Variants in FCN1 observed in about 807,000 individuals in gnomAD.
FCN1 encodes ficolin-1.
FCN1 carries 42 observed loss-of-function variants against 35.6 expected under a neutral mutation model. That is an observed-to-expected ratio of 1.18 (90% CI 0.92 to 1.53). The LOEUF is 1.53. FCN1 is among the 40% of genes most tolerant of loss of function. FCN1 has a pLI of 0.00. For missense variants in FCN1, 439 were observed against 428.4 expected, an observed-to-expected ratio of 1.02 and a Z score of -0.22; for synonymous variants, 179 against 169.8, an observed-to-expected ratio of 1.05 and a Z score of -0.42.
chr9:134,916,991 C>A (rs960468055), intron 1 of FCN1, among the ~76,000 whole-genome samples: 1 of 152,180 alleles, frequency 6.6e-6, no homozygotes, highest in Non-Finnish European at 1.5e-5. Context: ...AGGTGTGGCA[C>A]AGCTGCAGCC....
At position 134,911,115 on chromosome 9, in the gene FCN1, C is replaced by A. The variant is rs376133778; in HGVS notation, c.733+18G>T. On this transcript the variant is annotated intron_variant, in intron 8 of 8. Transcript: ENST00000371806. ...TTCCAAGCCCCACTCAGGCCACCAGCCCCAAGCAGACACTCACCCGCACTG... is the reference window on the plus strand; with the variant it reads ...TTCCAAGCCCCACTCAGGCCACCAGACCCAAGCAGACACTCACCCGCACTG... The A allele has an allele frequency of 3.1e-6, 5 of 1,613,868 alleles. No homozygotes were observed. Among genetic ancestry groups the A allele is most frequent in the Non-Finnish European group, 4.2e-6 (5 of 1,179,838 alleles).
rs770120283 is a variant in FCN1 at position 134,910,018 on chromosome 9, T to C, written c.761A>G (p.Asn254Ser). 44 of 1,613,922 alleles carry C rather than the reference T, an allele frequency of 2.7e-5. No individual in the cohort carries two copies. The East Asian group carries it at 9.1e-4, about 34-fold the overall frequency. ...GTCTTGGTCTTTGGTGGAGAAGAAG[T>C]TGTTGTTGTGGCCCGTTAGAGAATT... ...AGNSLTGHNN[N>S]FFSTKDQDND... Residue 254 changes from asparagine to serine, a missense_variant, in exon 9 of 9, where the codon AAC becomes AGC. Asn to Ser is a conservative substitution (Grantham distance 46, BLOSUM62 1). Coordinates refer to ENST00000371806, the MANE Select transcript of FCN1 (RefSeq NM_002003.5).
intron 2 of FCN1, among the ~76,000 whole-genome samples, chr9:134,915,252 G>A (rs941731891): frequency 2.0e-5 from 3 of 152,144 alleles, no homozygotes; most frequent in East Asian, 1.9e-4. Context: ...GGGAGGATCC[G>A]GTTCCACCGT....
Position 134,905,678 on chromosome 9 carries a change from G to T in FCN1, c.*4120C>A, listed in dbSNP as rs940355599. 2.0e-5 allele frequency among the ~76,000 whole-genome samples: 3 copies of T among 151,514 alleles called. No homozygotes were observed. Among genetic ancestry groups the T allele is most frequent in the African/African-American group, 7.3e-5 (3 of 41,070 alleles). On this transcript the variant is annotated 3_prime_UTR_variant, in exon 9 of 9. Coordinates refer to ENST00000371806, the MANE Select transcript of FCN1 (RefSeq NM_002003.5). ...TTTTTGTATTTTTAGTAGAGACGGG[G>T]TTTCATCATGTTAGCCAGGATGGTC...
rs575618859 is a variant in FCN1 at position 134,914,510 on chromosome 9, T to C, written c.272-90A>G. 3.1e-6 allele frequency: 4 copies of C among 1,270,814 alleles called. No individual in the cohort carries two copies. The East Asian group carries it at 7.0e-5, about 22-fold the overall frequency. 78.7% of individuals were successfully genotyped at this position (1,270,814 alleles called of 1,614,324 possible). On this transcript the variant is annotated intron_variant, in intron 3 of 8. Transcript: ENST00000371806. ...CAGAGTGGGCTCCCGGCCTGGACACTGCATCTCCCCAGCCCTGCAGGCTCA... is the reference window on the plus strand; with the variant it reads ...CAGAGTGGGCTCCCGGCCTGGACACCGCATCTCCCCAGCCCTGCAGGCTCA...
chr9:134,905,704 T>C lies in FCN1; in HGVS notation c.*4094A>G, dbSNP rs1830935767. Among the ~76,000 whole-genome samples the C allele has an allele frequency of 6.6e-6, 1 of 151,672 alleles. No individual in the cohort carries two copies. Among genetic ancestry groups the C allele is most frequent in the Admixed American group, 6.6e-5 (1 of 15,262 alleles). On this transcript the variant is annotated 3_prime_UTR_variant, in exon 9 of 9. Coordinates refer to ENST00000371806, the MANE Select transcript of FCN1 (RefSeq NM_002003.5). ...TTTCATCATGTTAGCCAGGATGGTC[T>C]TGATCTCCTGACCTTGTGATCCGCC...
At chr9:134,911,577 C>T (rs1487290878) in intron 7 of FCN1, among the ~76,000 whole-genome samples, 1 of 150,472 alleles carries the variant, frequency 6.6e-6, no homozygotes, top group Admixed American at 6.6e-5. Context: ...TGGTCTCGAT[C>T]TCTTCACCTC....
chr9:134,913,111 C>A lies in FCN1; in HGVS notation c.373G>T (p.Gly125Trp). The change falls in exon 6 of 9, where the codon GGG becomes TGG. Residue 125 changes from glycine to tryptophan, a missense_variant. Gly to Trp is a radical substitution (Grantham distance 184). Coordinates refer to ENST00000371806, the MANE Select transcript of FCN1 (RefSeq NM_002003.5). ...GTGTGCCAGCCGCTCAGGAAATACC[C>A]CCGGTCTAGCAGGTCCTTGCAGTTG... is the stretch of plus-strand genomic sequence containing the variant. Reference protein sequence around the residue: ...PRNCKDLLDRGYFLSGWHTIY... With the variant: ...PRNCKDLLDRWYFLSGWHTIY... The A allele has an allele frequency of 6.2e-7, 1 of 1,613,982 alleles. No homozygotes were observed. The highest frequency in any genetic ancestry group is 8.5e-7 in the Non-Finnish European group (1 of 1,179,950).
chr9:134,914,143 G>A (rs565056311), intron 4 of FCN1, among the ~76,000 whole-genome samples: 6 of 152,282 alleles, frequency 3.9e-5, no homozygotes, highest in Admixed American at 6.5e-5. Context: ...TTGAAATATT[G>A]AAGTGTCACC....
In FCN1 at chr9:134,903,595, C is replaced by T. The variant is rs759405091; in HGVS notation, c.*6203G>A. 1.3e-5 allele frequency among the ~76,000 whole-genome samples: 2 copies of T among 151,958 alleles called. No individual in the cohort carries two copies. Among genetic ancestry groups the T allele is most frequent in the Non-Finnish European group, 2.9e-5 (2 of 67,972 alleles). On this transcript the variant is annotated 3_prime_UTR_variant, in exon 9 of 9. Transcript: ENST00000371806. ...AATTTTACTGTATTAAATTATACCT[C>T]AAAAAATCTGACTTAAAAAAAAATC...
chr9:134,910,215 G>A (rs1031190266), intron 8 of FCN1, among the ~76,000 whole-genome samples, 170 bp from the exon 9 acceptor site: 1 of 152,096 alleles, frequency 6.6e-6, no homozygotes, highest in African/African-American at 2.4e-5. Context: ...GAAGCAGGAG[G>A]CAACCTCTGG....
rs1050897993 is a variant in FCN1 at position 134,907,848 on chromosome 9, C to T, written c.*1950G>A. ...GCATTTTTTAACATCCATTCTCTTC[C>T]TGATGGGTATGTCGGCTGATTCCAG... On this transcript the variant is annotated 3_prime_UTR_variant, in exon 9 of 9. Coordinates refer to ENST00000371806, the MANE Select transcript of FCN1 (RefSeq NM_002003.5). 1 of 152,172 alleles carries T rather than the reference C, an allele frequency of 6.6e-6. No homozygotes were observed. The highest frequency in any genetic ancestry group is 1.9e-4 in the East Asian group (1 of 5,198). 9.4% of individuals were successfully genotyped at this position (152,172 alleles called of 1,614,324 possible).
chr9:134,912,693 G>T, intron 6 of FCN1, 78 bp from the exon 7 acceptor site: 1 of 1,591,592 alleles, frequency 6.3e-7, no homozygotes, highest in Non-Finnish European at 8.6e-7. Flanking sequence ...CTCCAGAGGA[G>T]CAGCATTTGT....
Position 134,903,345 on chromosome 9 carries a change from T to A in FCN1, c.*6453A>T, listed in dbSNP as rs986965805. Among the ~76,000 whole-genome samples, 2 of 152,112 alleles carry A rather than the reference T, an allele frequency of 1.3e-5. No individual in the cohort carries two copies. Among genetic ancestry groups the A allele is most frequent in the Admixed American group, 1.3e-4 (2 of 15,272 alleles). ...AGTTCAAATTGAACTTTCACCAACATAGACCATATTCTGGGCCATAAAATA... is the reference window on the plus strand; with the variant it reads ...AGTTCAAATTGAACTTTCACCAACAAAGACCATATTCTGGGCCATAAAATA... On this transcript the variant is annotated 3_prime_UTR_variant, in exon 9 of 9. Coordinates refer to ENST00000371806, the MANE Select transcript of FCN1 (RefSeq NM_002003.5).
In FCN1 at chr9:134,912,529, C is replaced by G. The variant is rs916542867; in HGVS notation, c.555G>C (p.Glu185Asp). 57 of 1,613,960 alleles carry G rather than the reference C, an allele frequency of 3.5e-5. No homozygotes were observed. The highest frequency in any genetic ancestry group is 4.7e-5 in the Non-Finnish European group (56 of 1,179,968). Reference sequence around the variant, plus strand: ...GGATGTTGTCATTCCCCAGCCAGAACTCCCCCAGCTGACTGCCGAAGCCCT... The same window carrying G: ...GGATGTTGTCATTCCCCAGCCAGAAGTCCCCCAGCTGACTGCCGAAGCCCT... ...YKQGFGSQLG[E>D]FWLGNDNIHA... Residue 185 changes from glutamate to aspartate, a missense_variant, in exon 7 of 9, where the codon GAG becomes GAC. Physicochemically the swap from Glu to Asp is conservative, Grantham distance 45. Transcript: ENST00000371806.
At chr9:134,916,199 G>A (rs1009632191) in intron 2 of FCN1, 149 bp downstream of exon 2, 3 of 690,026 alleles carry the variant, frequency 4.3e-6, no homozygotes, top group Non-Finnish European at 7.8e-6. Flanking sequence ...CTGGGAGTCA[G>A]CTCTGTTCCT....
Position 134,917,835 on chromosome 9 carries a change from C to G in FCN1, c.37G>C (p.Ala13Pro), listed in dbSNP as rs773091298. The change falls in exon 1 of 9, where the codon GCT (alanine) becomes CCT (proline). Residue 13 changes from alanine (A) to proline (P), a missense_variant. Transcript: ENST00000371806. Reference sequence around the variant, plus strand: ...TGCAGGAACAAGACTAGCAGGACAGCGAGCCCCCGGGCCATGGTGGCTCCA... The same window carrying G: ...TGCAGGAACAAGACTAGCAGGACAGGGAGCCCCCGGGCCATGGTGGCTCCA... Reference protein sequence around the residue: ...LSGATMARGLAVLLVLFLHIK... With the variant: ...LSGATMARGLPVLLVLFLHIK... 7.4e-6 allele frequency: 12 copies of G among 1,613,904 alleles called. No homozygotes were observed. Among genetic ancestry groups the G allele is most frequent in the Non-Finnish European group, 1.0e-5 (12 of 1,179,888 alleles).
Position 134,912,502 on chromosome 9 carries a change from G to A in FCN1, c.582C>T (p.His194=), listed in dbSNP as rs56308117. 384 of 1,614,012 alleles carry A rather than the reference G, an allele frequency of 2.4e-4. 2 individuals carry two copies. The African/African-American group carries it at 2.8e-3, about 12-fold the overall frequency. The change falls in exon 7 of 9, where the codon CAC becomes CAT. Residue 194 remains histidine (H), a synonymous_variant. Coordinates refer to ENST00000371806, the MANE Select transcript of FCN1 (RefSeq NM_002003.5). ...TGGCCCTACCCTGGGCAGTCAGGGC[G>A]TGGATGTTGTCATTCCCCAGCCAGA... ...GEFWLGNDNI[H]ALTAQGSSEL... is the part of the protein sequence containing the mutation.
chr9:134,917,844 G>T lies in FCN1; in HGVS notation c.28C>A (p.Arg10=). The T allele has an allele frequency of 6.2e-7, 1 of 1,613,688 alleles. No individual in the cohort carries two copies. The highest frequency in any genetic ancestry group is 2.2e-5 in the East Asian group (1 of 44,872). MELSGATMA[R]GLAVLLVLFL... Reference sequence around the variant, plus strand: ...AAGACTAGCAGGACAGCGAGCCCCCGGGCCATGGTGGCTCCACTCAGCTCC... The same window carrying T: ...AAGACTAGCAGGACAGCGAGCCCCCTGGCCATGGTGGCTCCACTCAGCTCC... The change falls in exon 1 of 9, where the codon CGG becomes AGG. Residue 10 remains arginine, a synonymous_variant. Coordinates refer to ENST00000371806, the MANE Select transcript of FCN1 (RefSeq NM_002003.5).
Sources: allele counts gnomAD v4.1 joint callset (sites outside exome capture counted in the v4.1 genomes callset), GRCh38; gene constraint gnomAD v4.1.1; transcripts MANE v1.5; gene names NCBI Gene and HGNC (gene_info 2026-07-23, HGNC 2026-07-21).